Variants in CPLANE1 observed in about 807,000 individuals in gnomAD.
CPLANE1 encodes ciliogenesis and planar polarity effector complex subunit 1, also known as ciliogenesis and planar polarity effector 1.
In CPLANE1, 263 loss-of-function variants were observed where a neutral mutation model predicts 362.5. That is an observed-to-expected ratio of 0.73 (90% CI 0.66 to 0.80). The LOEUF is 0.80. Among genes scored for constraint, CPLANE1 ranks in the 30% least tolerant of loss-of-function variants. The pLI, the probability that CPLANE1 is intolerant of heterozygous loss-of-function variation, is 0.00. For synonymous variants in CPLANE1, 1,212 were observed against 1,302.6 expected (o/e 0.93, Z 1.50); for missense variants, 3,461 against 3,793.4 (o/e 0.91, Z 2.30).
intron 44 of CPLANE1, chr5:37,142,055 A>G (rs2150401534): frequency 1.1e-6 from 1 of 871,270 alleles, no homozygotes; most frequent in Admixed American, 5.2e-5. Flanking sequence ...CTATTACAGT[A>G]ATTCCAGTTG....
the CPLANE1 span, among the ~76,000 whole-genome samples, chr5:37,079,270 C>A: frequency 6.6e-6 from 1 of 152,066 alleles, no homozygotes; most frequent in Non-Finnish European, 1.5e-5. Flanking sequence ...TTTCTGCATA[C>A]GGCTAGCCAG....
chr5:37,145,584 C>T (rs990174817), intron 43 of CPLANE1, among the ~76,000 whole-genome samples: 1 of 152,074 alleles, frequency 6.6e-6, no homozygotes, highest in Non-Finnish European at 1.5e-5. Flanking sequence ...GTATGCACCA[C>T]CATGTCCAAA....
At position 37,140,778 on chromosome 5, in the gene CPLANE1, G is replaced by C. The variant is rs1354317709; in HGVS notation, c.8633-1408C>G. ...GCCCTTTCTCCTATTAGTAACCCAG[G>C]ATCACTAACCCACGGCCACAGTACC... On this transcript the variant is annotated intron_variant, in intron 44 of 52. Coordinates refer to ENST00000651892, the MANE Select transcript of CPLANE1 (RefSeq NM_001384732.1). The C allele has an allele frequency of 4.1e-6, 4 of 985,108 alleles. No individual in the cohort carries two copies. In the African/African-American group the frequency reaches 7.0e-5, roughly 17 times the overall value. The allele number at this position is 985,108 out of a possible 1,614,324, so 61.0% of individuals were successfully genotyped here.
intron 48 of CPLANE1, 129 bp downstream of exon 48, chr5:37,122,301 T>A: frequency 1.4e-6 from 1 of 740,212 alleles, no homozygotes; most frequent in Non-Finnish European, 2.3e-6. Flanking sequence ...CTTGCAGTGA[T>A]AACTCCCATA....
At chr5:37,196,099 G>A (rs1787334121) in intron 20 of CPLANE1, 103 bp from the exon 21 acceptor site, 1 of 804,438 alleles carries the variant, frequency 1.2e-6, no homozygotes, top group African/African-American at 1.8e-5. Flanking sequence ...CACACAGAAT[G>A]GAAAACACAG....
At chr5:37,077,030 A>AGAT in the CPLANE1 span, among the ~76,000 whole-genome samples, 3 of 151,848 alleles carry the variant, frequency 2.0e-5, no homozygotes, top group East Asian at 1.9e-4. Flanking sequence ...ATTCTACCAT[A>AGAT]GATAATATGT....
downstream of CPLANE1, among the ~76,000 whole-genome samples, chr5:37,102,751 G>A (rs990711846): frequency 6.6e-6 from 1 of 152,144 alleles, no homozygotes; most frequent in Non-Finnish European, 1.5e-5. Context: ...GTTCTAACTT[G>A]ATTGTGCTGT....
chr5:37,180,233 G>C, intron 27 of CPLANE1, 50 bp from the exon 28 acceptor site: 1 of 1,247,936 alleles, frequency 8.0e-7, no homozygotes, highest in Non-Finnish European at 1.1e-6. Flanking sequence ...GAGATAAAGA[G>C]CTAATTCAGT....
At chr5:37,214,955 C>CTT in intron 15 of CPLANE1, among the ~76,000 whole-genome samples, 1 of 152,350 alleles carries the variant, frequency 6.6e-6, no homozygotes, top group Middle Eastern at 3.4e-3. Flanking sequence ...CTATGGTTGT[C>CTT]TACCATTTCA....
chr5:37,244,415 T>C lies in CPLANE1; in HGVS notation c.530A>G (p.Asp177Gly). The change falls in exon 5 of 53, where the codon GAT becomes GGT. Residue 177 changes from aspartate to glycine, a missense_variant. Coordinates refer to ENST00000651892, the MANE Select transcript of CPLANE1 (RefSeq NM_001384732.1). Reference sequence around the variant, plus strand: ...AACAGCATTCACTACAGCTTCTTTATCTTCGGTGGAAGGCAAGAGAACTGC... The same window carrying C: ...AACAGCATTCACTACAGCTTCTTTACCTTCGGTGGAAGGCAAGAGAACTGC... Reference protein sequence around the residue: ...EEAVLLPSTEDKEAVVNAVFI... With the variant: ...EEAVLLPSTEGKEAVVNAVFI... 6 of 1,551,014 alleles carry C rather than the reference T, an allele frequency of 3.9e-6. No homozygotes were observed. Among genetic ancestry groups the C allele is most frequent in the Non-Finnish European group, 5.2e-6 (6 of 1,146,844 alleles).
downstream of CPLANE1, among the ~76,000 whole-genome samples, chr5:37,105,550 T>C (rs1409909152): frequency 1.3e-5 from 2 of 152,168 alleles, no homozygotes; most frequent in Non-Finnish European, 2.9e-5. Context: ...GACCTGAAAC[T>C]ATGAAACTAC....
At chr5:37,174,264 C>A (rs144244329) in intron 31 of CPLANE1, among the ~76,000 whole-genome samples, 1 of 152,190 alleles carries the variant, frequency 6.6e-6, no homozygotes, top group African/African-American at 2.4e-5. Flanking sequence ...GAATTTGAGA[C>A]CTGTGGAATC....
intron 50 of CPLANE1, among the ~76,000 whole-genome samples, chr5:37,117,607 G>A (rs576754773): frequency 2.6e-5 from 4 of 152,298 alleles, no homozygotes; most frequent in African/African-American, 9.6e-5. Flanking sequence ...ATGGCATGTG[G>A]TTGGAAAACA....
At chr5:37,124,049 G>C (rs1029335546) in intron 47 of CPLANE1, among the ~76,000 whole-genome samples, 2 of 151,684 alleles carry the variant, frequency 1.3e-5, no homozygotes, top group African/African-American at 4.8e-5. Context: ...ATGTCTCCTG[G>C]GCTATCAAGA....
chr5:37,117,109 A>G (rs1761233034), intron 50 of CPLANE1, among the ~76,000 whole-genome samples: 1 of 152,230 alleles, frequency 6.6e-6, no homozygotes, highest in Non-Finnish European at 1.5e-5. Flanking sequence ...ATTCTCTGAC[A>G]TGGTATAAAT....
intron 52 of CPLANE1, 43 bp from the exon 53 acceptor site, chr5:37,107,821 C>A: frequency 1.3e-6 from 2 of 1,492,698 alleles, no homozygotes; most frequent in Non-Finnish European, 1.8e-6. Context: ...CCCCTAAAAA[C>A]AAACAAAAAA....
At position 37,244,495 on chromosome 5, in the gene CPLANE1, T is replaced by C; in HGVS notation, c.450A>G (p.Leu150=). ...LWEYLELKNI[L]SSKSLSLAGR... ...CCGCCAATGAAAGGCTTTTAGAAGA[T>C]AAGATATTCTTTAATTCCAAATATT... Residue 150 remains leucine (L), a synonymous_variant, in exon 5 of 53, where the codon TTA becomes TTG. Transcript: ENST00000651892. The C allele has an allele frequency of 2.6e-6, 4 of 1,551,986 alleles. No homozygotes were observed. The highest frequency in any genetic ancestry group is 3.5e-6 in the Non-Finnish European group (4 of 1,147,040).
Position 37,169,854 on chromosome 5 carries a change from G to A in CPLANE1, c.6462+187C>T, listed in dbSNP as rs1018471435. Among the ~76,000 whole-genome samples the A allele has an allele frequency of 2.0e-5, 3 of 151,944 alleles. No individual in the cohort carries two copies. In the South Asian group the frequency reaches 6.2e-4, roughly 32 times the overall value. ...CGATTCTCCTGCCTCAGCCTCCTGA[G>A]TAGCTGGGATTACAGGCATGCGCCA... On this transcript the variant is annotated intron_variant, in intron 33 of 52. Transcript: ENST00000651892.
chr5:37,107,367 C>T lies in CPLANE1; in HGVS notation c.*235G>A. On this transcript the variant is annotated 3_prime_UTR_variant, in exon 53 of 53. Transcript: ENST00000651892. Reference sequence around the variant, plus strand: ...ATTTTAAAAATTATGCCTAATGATGCATCAAATACAAAAACATATAATACA... The same window carrying T: ...ATTTTAAAAATTATGCCTAATGATGTATCAAATACAAAAACATATAATACA... The T allele has an allele frequency of 1.6e-6, 2 of 1,223,602 alleles. No homozygotes were observed. Among genetic ancestry groups the T allele is most frequent in the Non-Finnish European group, 2.0e-6 (2 of 980,988 alleles). 75.8% of individuals were successfully genotyped at this position (1,223,602 alleles called of 1,614,324 possible).
Sources: allele counts gnomAD v4.1 joint callset (sites outside exome capture counted in the v4.1 genomes callset), GRCh38; gene constraint gnomAD v4.1.1; transcripts MANE v1.5; gene names NCBI Gene and HGNC (gene_info 2026-07-23, HGNC 2026-07-21).